The following DNAAF4 variants were observed in gnomAD, a reference collection of about 807,000 sequenced individuals.
DNAAF4 encodes the protein dynein assembly factor 4, axonemal.
In DNAAF4, 43 loss-of-function variants were observed where a neutral mutation model predicts 51.8. The observed-to-expected ratio is 0.83, with a 90% CI of 0.65 to 1.07. DNAAF4 has a LOEUF of 1.07. Ranked by LOEUF, DNAAF4 falls within the 50% of genes least tolerant of loss-of-function variation. DNAAF4 has a pLI of 0.00. For missense variants in DNAAF4, 581 were observed against 493.0 expected, an observed-to-expected ratio of 1.18 and a Z score of -1.69; for synonymous variants, 194 against 165.6, an observed-to-expected ratio of 1.17 and a Z score of -1.32.
intron 7 of DNAAF4, among the ~76,000 whole-genome samples, chr15:55,438,760 G>C (rs1167217666): frequency 6.6e-6 from 1 of 151,478 alleles, no homozygotes; most frequent in East Asian, 1.9e-4. Flanking sequence ...ACTCCAGCCT[G>C]GGTGATAAAA....
At chr15:55,435,864 C>T (rs1447477857) in intron 7 of DNAAF4, among the ~76,000 whole-genome samples, 1 of 152,298 alleles carries the variant, frequency 6.6e-6, no homozygotes, top group East Asian at 1.9e-4. Flanking sequence ...TCTTGGCTCA[C>T]CGCAACCTCT....
intron 5 of DNAAF4, among the ~76,000 whole-genome samples, chr15:55,451,856 A>G (rs1419021284): frequency 1.3e-5 from 2 of 152,132 alleles, no homozygotes; most frequent in African/African-American, 4.8e-5. Context: ...CCTGGGCTCA[A>G]GCAATCCTCC....
chr15:55,446,221 G>C (rs2057806476), intron 6 of DNAAF4, among the ~76,000 whole-genome samples: 1 of 133,388 alleles, frequency 7.5e-6, no homozygotes, highest in Non-Finnish European at 1.6e-5. Flanking sequence ...TTCCCAGAAG[G>C]GGTGGCAGCT....
At chr15:55,469,636 C>T (rs2058223295) in intron 4 of DNAAF4, among the ~76,000 whole-genome samples, 2 of 151,530 alleles carry the variant, frequency 1.3e-5, no homozygotes, top group South Asian at 2.1e-4. Flanking sequence ...GTGTCTGCCA[C>T]CACACCTGGC....
chr15:55,433,183 C>A (rs1380840586), intron 8 of DNAAF4, among the ~76,000 whole-genome samples: 1 of 152,052 alleles, frequency 6.6e-6, no homozygotes, highest in Non-Finnish European at 1.5e-5. Context: ...ACCTGTAATC[C>A]CAGCTACTCA....
intron 4 of DNAAF4, among the ~76,000 whole-genome samples, chr15:55,471,341 G>T (rs1412787693): frequency 6.6e-6 from 1 of 152,070 alleles, no homozygotes; most frequent in Non-Finnish European, 1.5e-5. Flanking sequence ...CAAGGGATTA[G>T]GAGCTCTGTG....
chr15:55,492,553 T>A (rs2058589159), intron 3 of DNAAF4, among the ~76,000 whole-genome samples: 1 of 152,172 alleles, frequency 6.6e-6, no homozygotes, highest in African/African-American at 2.4e-5. Flanking sequence ...TATACTTTTT[T>A]TTTTTGAGCC....
intron 1 of DNAAF4, among the ~76,000 whole-genome samples, chr15:55,499,296 TG>T (rs2058679843): frequency 6.6e-6 from 1 of 152,184 alleles, no homozygotes; most frequent in Non-Finnish European, 1.5e-5. Context: ...TGTTGAGTGT[TG>T]GGTCTTATAG....
intron 6 of DNAAF4, among the ~76,000 whole-genome samples, chr15:55,444,281 T>C (rs1414837749): frequency 3.3e-5 from 5 of 152,074 alleles, no homozygotes; most frequent in South Asian, 2.1e-4. Context: ...GTTTTCCCAG[T>C]ACCATTTATT....
rs1477793660 is a variant in DNAAF4, at chr15:55,432,584, G to A, written c.1066C>T (p.Pro356Ser). 2.5e-6 allele frequency: 4 copies of A among 1,611,136 alleles called. No homozygotes were observed. In the African/African-American group the frequency reaches 4.0e-5, roughly 16 times the overall value. The stretch of plus-strand genomic sequence containing the variant: ...GCATTAGCATTGTCTGTAACAGGTG[G>A]CATCAATAATTCCAGTGCCTTACAA... ...DSSKALELLM[P>S]PVTDNANARM... Residue 356 changes from proline to serine, a missense_variant, in exon 9 of 10, where the codon CCA becomes TCA. Physicochemically the swap from Pro to Ser is moderately conservative, Grantham distance 74 (BLOSUM62 -1). Coordinates refer to ENST00000321149, the MANE Select transcript of DNAAF4 (RefSeq NM_130810.4).
intron 4 of DNAAF4, among the ~76,000 whole-genome samples, chr15:55,488,983 G>A (rs2058531259): frequency 6.6e-6 from 1 of 151,986 alleles, no homozygotes. Flanking sequence ...CACCTATTCG[G>A]GAGGCTGAGG....
intron 8 of DNAAF4, among the ~76,000 whole-genome samples, chr15:55,433,369 G>GGGAGGCCCAGGCGGGC (rs996233645): frequency 9.9e-5 from 15 of 152,272 alleles, no homozygotes; most frequent in East Asian, 3.9e-4. Context: ...CCAGCACTTT[G>GGGAGGCCCAGGCGGGC]GGAGGCCCAG....
intron 4 of DNAAF4, among the ~76,000 whole-genome samples, chr15:55,473,822 T>C (rs1226643604): frequency 1.3e-5 from 2 of 151,306 alleles, no homozygotes; most frequent in South Asian, 2.1e-4. Context: ...AAAACCCCTA[T>C]CTCTACAAAA....
intron 6 of DNAAF4, chr15:55,443,016 T>C: frequency 6.2e-7 from 1 of 1,611,432 alleles, no homozygotes; most frequent in African/African-American, 1.3e-5. Context: ...CATCAAAGCT[T>C]CTGGTGAAGA....
rs1335881188 is a variant in DNAAF4 at position 55,483,845 on chromosome 15, T to A, written c.405+7278A>T. On this transcript the variant is annotated intron_variant, in intron 4 of 9. Coordinates refer to ENST00000321149, the MANE Select transcript of DNAAF4 (RefSeq NM_130810.4). ...CCAGCCAATAAAGCTTTTTTTTTTT[T>A]TTTTTTTTTTTTTTTTTTTTTTTTT... Among the ~76,000 whole-genome samples, 147 of 66,212 alleles carry A rather than the reference T, an allele frequency of 2.2e-3. 2 individuals carry two copies. Among genetic ancestry groups the A allele is most frequent in the African/African-American group, 5.6e-3 (136 of 24,400 alleles). The allele number at this position is 66,212 out of a possible 152,430, so 43.4% of individuals were successfully genotyped here. A position where few individuals can be genotyped will look rare whatever the true frequency, so the allele number is the denominator to read the frequency against.
intron 3 of DNAAF4, among the ~76,000 whole-genome samples, chr15:55,495,928 TA>T (rs1246654940): frequency 6.6e-6 from 1 of 152,010 alleles, no homozygotes. Context: ...GAACTAGCTT[TA>T]AAACTGGGGA....
Position 55,446,299 on chromosome 15 carries a change from G to GGA in DNAAF4, c.783+3922_783+3923insTC, listed in dbSNP as rs1441836171. Among the ~76,000 whole-genome samples, 4 of 97,744 alleles carry GGA rather than the reference G, an allele frequency of 4.1e-5. 1 individual carries two copies. The highest frequency in any genetic ancestry group is 2.2e-4 in the African/African-American group (4 of 18,282). 64.1% of individuals were successfully genotyped at this position (97,744 alleles called of 152,430 possible). A position where few individuals can be genotyped will look rare whatever the true frequency, so the allele number is the denominator to read the frequency against. ...GAGGCGCTCCTCACATCCCAGACGG[G>GGA]GGGGGGGGGCAGCTGGGCAGAGGCA... is the stretch of plus-strand genomic sequence containing the variant. On this transcript the variant is annotated intron_variant, in intron 6 of 9. Coordinates refer to ENST00000321149, the MANE Select transcript of DNAAF4 (RefSeq NM_130810.4).
intron 1 of DNAAF4, among the ~76,000 whole-genome samples, chr15:55,504,245 C>G (rs1299692480): frequency 1.3e-5 from 2 of 152,128 alleles, no homozygotes; most frequent in African/African-American, 4.8e-5. Context: ...AGGAGAACTA[C>G]AAAACACTGC....
At chr15:55,495,119 T>C (rs1349109471) in intron 3 of DNAAF4, 1 of 139,956 alleles carries the variant, frequency 7.1e-6, no homozygotes, top group Non-Finnish European at 1.5e-5. Context: ...GGCCCCAACA[T>C]AGACTTACTG....
Sources: gnomAD v4.1 joint callset for allele counts (sites outside exome capture counted in the v4.1 genomes callset) on GRCh38, gnomAD v4.1.1 for gene constraint, MANE v1.5 for transcripts, NCBI Gene and HGNC (gene_info 2026-07-23, HGNC 2026-07-21) for gene names.